CES1: variants seen among roughly 807,000 people sequenced by gnomAD.
CES1 encodes the protein liver carboxylesterase 1.
Under a neutral mutation model 53.0 loss-of-function variants are expected in CES1, and 50 were observed. That is an observed-to-expected ratio of 0.94 (90% CI 0.75 to 1.19). The LOEUF is 1.19. Ranked by LOEUF, CES1 falls within the 50% of genes most tolerant of loss-of-function variation. The probability of loss-of-function intolerance (pLI) is 0.00; values close to 1 mark genes in which losing one functional copy is unlikely to be tolerated. For synonymous variants in CES1, 202 were observed against 210.1 expected (o/e 0.96, Z 0.33); for missense variants, 534 against 538.0 (o/e 0.99, Z 0.07).
intron 5 of CES1, 143 bp from the exon 6 acceptor site, chr16:55,820,622 C>T (rs2032138223): frequency 1.3e-5 from 18 of 1,406,756 alleles, no homozygotes; most frequent in Non-Finnish European, 1.8e-5. Context: ...CTGCCCACCT[C>T]AAGGAGGTGG....
At chr16:55,831,775 CG>C (rs1470852488) in intron 1 of CES1, among the ~76,000 whole-genome samples, 9 of 151,658 alleles carry the variant, frequency 5.9e-5, no homozygotes, top group Non-Finnish European at 1.5e-5. Flanking sequence ...AGGATGCAGA[CG>C]GGGCTGGGCT....
intron 8 of CES1, among the ~76,000 whole-genome samples, chr16:55,815,611 G>A (rs1296203406): frequency 6.6e-6 from 1 of 152,138 alleles, no homozygotes; most frequent in African/African-American, 2.4e-5. Flanking sequence ...CTTGCATCCT[G>A]TCCATCAGCA....
intron 1 of CES1, among the ~76,000 whole-genome samples, chr16:55,829,721 C>T (rs547462466): frequency 3.9e-5 from 6 of 152,330 alleles, no homozygotes; most frequent in South Asian, 2.1e-4. Flanking sequence ...CCAGGCTAAG[C>T]GCTTGAGTTT....
In CES1 at chr16:55,831,316, A is replaced by G. The variant is rs559518567; in HGVS notation, c.52+1688T>C. Among the ~76,000 whole-genome samples, 150 of 152,048 alleles carry G rather than the reference A, an allele frequency of 9.9e-4. 1 individual carries two copies. The highest frequency in any genetic ancestry group is 3.4e-3 in the African/African-American group (140 of 41,390). On this transcript the variant is annotated intron_variant, in intron 1 of 13. Coordinates refer to ENST00000360526, the MANE Select transcript of CES1 (RefSeq NM_001025195.2). ...GACTTCAGGGAGGTGGAGGAGAGTC[A>G]AGTCAGAGAAGAAACCACTGGGCTG...
rs2031765969 is a variant in CES1 at position 55,812,945 on chromosome 16, C to T, written c.1044G>A (p.Met348Ile). ...CAAACTCCTGCTTGTTAATTCCGAC[C>T]ATGTAGGGGACAGTGTGGAAATTCC... ...AERNFHTVPYMVGINKQEFGW... is the reference protein window; with the variant it reads ...AERNFHTVPYIVGINKQEFGW... Residue 348 changes from methionine (M) to isoleucine (I), a missense_variant, in exon 9 of 14, where the codon ATG becomes ATA. Met to Ile is a conservative substitution (Grantham distance 10). Coordinates refer to ENST00000360526, the MANE Select transcript of CES1 (RefSeq NM_001025195.2). 1.2e-6 allele frequency: 2 copies of T among 1,613,944 alleles called. No individual in the cohort carries two copies. Among genetic ancestry groups the T allele is most frequent in the Admixed American group, 1.7e-5 (1 of 60,004 alleles).
chr16:55,819,147 A>G (rs1814268), intron 7 of CES1, among the ~76,000 whole-genome samples: 126,125 of 151,400 alleles, frequency 0.83, 52,737 homozygotes, highest in African/African-American at 0.85. Context: ...AATACAGACA[A>G]TTTCTAAGTC....
chr16:55,816,518 G>T (rs1369856181), intron 8 of CES1, among the ~76,000 whole-genome samples: 2 of 152,210 alleles, frequency 1.3e-5, no homozygotes, highest in African/African-American at 2.4e-5. Context: ...TGTGTGCTGG[G>T]AGGAGACGAG....
chr16:55,827,859 C>T (rs1717154954), intron 2 of CES1: 2 of 152,050 alleles, frequency 1.3e-5, no homozygotes, highest in Admixed American at 6.6e-5. Flanking sequence ...AACTGGAATA[C>T]AAACAATATA....
At chr16:55,830,373 G>T (rs1485716825) in intron 1 of CES1, among the ~76,000 whole-genome samples, 1 of 151,894 alleles carries the variant, frequency 6.6e-6, no homozygotes, top group East Asian at 1.9e-4. Context: ...CTGTTTTCTT[G>T]GTGATTTCCA....
At position 55,812,892 on chromosome 16, in the gene CES1, T is replaced by C. The variant is rs201408567; in HGVS notation, c.1086+11A>G. On this transcript the variant is annotated intron_variant, in intron 9 of 13. Transcript: ENST00000360526. ...TGGTTGAGTCCCTCCAACAGACATGTGCCTTCTCACCATTGGAATCAACCA... is the reference window on the plus strand; with the variant it reads ...TGGTTGAGTCCCTCCAACAGACATGCGCCTTCTCACCATTGGAATCAACCA... 1 of 1,613,920 alleles carries C rather than the reference T, an allele frequency of 6.2e-7. No homozygotes were observed. Among genetic ancestry groups the C allele is most frequent in the East Asian group, 2.2e-5 (1 of 44,892 alleles).
rs144458454 is a variant in CES1 at position 55,825,251 on chromosome 16, C to T, written c.405+900G>A. On this transcript the variant is annotated intron_variant, in intron 3 of 13. Coordinates refer to ENST00000360526, the MANE Select transcript of CES1 (RefSeq NM_001025195.2). Reference sequence around the variant, plus strand: ...CTCACTTCCTGTGTCTCACAAAGCACATGTAGGACCAACTTCTAGTTCCAC... The same window carrying T: ...CTCACTTCCTGTGTCTCACAAAGCATATGTAGGACCAACTTCTAGTTCCAC... 3.5e-3 allele frequency among the ~76,000 whole-genome samples: 539 copies of T among 152,332 alleles called. 3 individuals are homozygous for T. The highest frequency in any genetic ancestry group is 0.012 in the African/African-American group (517 of 41,558).
intron 2 of CES1, among the ~76,000 whole-genome samples, chr16:55,827,279 A>G (rs2032456332): frequency 7.0e-6 from 1 of 143,412 alleles, no homozygotes; most frequent in African/African-American, 2.8e-5. Context: ...AGGAATAACA[A>G]TAATAATAAT....
chr16:55,817,574 T>C lies in CES1; in HGVS notation c.907-612A>G, dbSNP rs371686221. 3.8e-3 allele frequency among the ~76,000 whole-genome samples: 576 copies of C among 152,304 alleles called. 4 individuals are homozygous for C. Among genetic ancestry groups the C allele is most frequent in the African/African-American group, 0.013 (552 of 41,542 alleles). On this transcript the variant is annotated intron_variant, in intron 7 of 13. Coordinates refer to ENST00000360526, the MANE Select transcript of CES1 (RefSeq NM_001025195.2). ...AGTGACTGTAGTGTTGCACTGTAGT[T>C]CCCAGATCTGACCTGTGCTCAGGAT...
At chr16:55,811,168 C>T (rs1204331080) in intron 9 of CES1, among the ~76,000 whole-genome samples, 158 bp from the exon 10 acceptor site, 2 of 81,940 alleles carry the variant, frequency 2.4e-5, no homozygotes, top group East Asian at 4.7e-4. Flanking sequence ...ATCAATGAAT[C>T]AAATGGGCTT....
At chr16:55,831,270 G>A (rs375854814) in intron 1 of CES1, among the ~76,000 whole-genome samples, 2 of 152,138 alleles carry the variant, frequency 1.3e-5, no homozygotes, top group African/African-American at 4.8e-5. Context: ...AGAGGGCGAG[G>A]AACCAGCTAA....
intron 7 of CES1, among the ~76,000 whole-genome samples, chr16:55,817,190 G>A (rs2067674963): frequency 6.6e-6 from 1 of 152,184 alleles, no homozygotes; most frequent in Non-Finnish European, 1.5e-5. Context: ...TGCAGGAATT[G>A]TTTAGAAAGA....
chr16:55,827,328 GA>G (rs2032459474), intron 2 of CES1, among the ~76,000 whole-genome samples: 2 of 146,130 alleles, frequency 1.4e-5, no homozygotes, highest in African/African-American at 5.1e-5. Context: ...GTGAAGAAAG[GA>G]AAAAAGAACT....
rs369372354 is a variant in CES1 at position 55,826,274 on chromosome 16, C to T, written c.282G>A (p.Ala94=). 97 of 1,613,968 alleles carry T rather than the reference C, an allele frequency of 6.0e-5. 2 individuals carry two copies. Among genetic ancestry groups the T allele is most frequent in the African/African-American group, 5.3e-4 (40 of 75,026 alleles). ...YPPMCTQDPK[A]GQLLSELFTN... The stretch of plus-strand genomic sequence containing the variant: ...TAAATAGCTCTGAGAGTAACTGCCC[C>T]GCCTTGGGATCTTGGGTGCACCTGG... The change falls in exon 3 of 14, where the codon GCG becomes GCA. Residue 94 remains alanine (A), a synonymous_variant. Transcript: ENST00000360526.
chr16:55,825,683 C>G (rs2032388724), intron 3 of CES1, among the ~76,000 whole-genome samples: 1 of 152,200 alleles, frequency 6.6e-6, no homozygotes. Flanking sequence ...GTCAAAAGCA[C>G]TGATGTGAAG....
Sources: gnomAD v4.1 joint callset for allele counts (sites outside exome capture counted in the v4.1 genomes callset) on GRCh38, gnomAD v4.1.1 for gene constraint, MANE v1.5 for transcripts, NCBI Gene and HGNC (gene_info 2026-07-23, HGNC 2026-07-21) for gene names.